Variants in ANKS1B observed in about 807,000 individuals in gnomAD.
ANKS1B encodes ankyrin repeat and sterile alpha motif domain-containing protein 1B.
ANKS1B carries 36 observed loss-of-function variants against 148.3 expected under a neutral mutation model. The observed-to-expected ratio is 0.24, with a 90% CI of 0.19 to 0.32. The LOEUF (loss-of-function observed/expected upper bound fraction) is 0.32, where lower values mean the gene tolerates loss of function less well. Among genes scored for constraint, ANKS1B ranks in the 10% least tolerant of loss-of-function variants. The pLI is 1.00. For missense variants in ANKS1B, 1,157 were observed against 1,542.6 expected (o/e 0.75, Z 4.19); for synonymous variants, 542 against 560.8 (o/e 0.97, Z 0.47).
At position 99,416,122 on chromosome 12, in the gene ANKS1B, A is replaced by T. The variant is rs114891731; in HGVS notation, c.1576-16311T>A. On this transcript the variant is annotated intron_variant, in intron 11 of 26. Transcript: ENST00000683438. ...TATTAATAGGATCACACAGTATGTA[A>T]CCTTTTAGGACTGGCTTTTCTCACT... Among the ~76,000 whole-genome samples the T allele has an allele frequency of 7.3e-3, 1,118 of 152,290 alleles. 13 individuals are homozygous for T. The highest frequency in any genetic ancestry group is 0.025 in the African/African-American group (1,044 of 41,560).
At position 99,649,318 on chromosome 12, in the gene ANKS1B, G is replaced by A. The variant is rs2098402768; in HGVS notation, c.1272+5749C>T. ...TGCCATGAAGTTTTGTGAAGAGAAGGAGCAATTCAGAATCAGTAGACTTCA... is the reference window on the plus strand; with the variant it reads ...TGCCATGAAGTTTTGTGAAGAGAAGAAGCAATTCAGAATCAGTAGACTTCA... On this transcript the variant is annotated intron_variant, in intron 9 of 26. Transcript: ENST00000683438. 6.2e-6 allele frequency: 10 copies of A among 1,613,998 alleles called. No individual in the cohort carries two copies. The highest frequency in any genetic ancestry group is 8.5e-6 in the Non-Finnish European group (10 of 1,179,998).
chr12:98,779,323 C>T (rs999372484), intron 24 of ANKS1B, among the ~76,000 whole-genome samples: 4 of 152,078 alleles, frequency 2.6e-5, no homozygotes, highest in African/African-American at 7.2e-5. Context: ...ACAATGGAAC[C>T]GGCAGAGCTC....
chr12:98,843,920 G>C (rs2099428427), intron 17 of ANKS1B, among the ~76,000 whole-genome samples: 1 of 152,164 alleles, frequency 6.6e-6, no homozygotes, highest in Non-Finnish European at 1.5e-5. Flanking sequence ...TGCTGAATCA[G>C]TTTTCTGAGT....
chr12:98,987,081 G>A (rs2099923907), intron 17 of ANKS1B, among the ~76,000 whole-genome samples: 1 of 151,400 alleles, frequency 6.6e-6, no homozygotes, highest in South Asian at 2.1e-4. Flanking sequence ...TTCCAGAATT[G>A]GTATAAAAGT....
At chr12:98,740,295 G>A (rs140791959), downstream of ANKS1B, among the ~76,000 whole-genome samples, 450 of 152,242 alleles carry the variant, frequency 3.0e-3, 3 homozygotes, top group African/African-American at 0.01. Context: ...TGGAGGTTGA[G>A]AGCCAGCGCC....
chr12:99,366,837 T>C (rs1312374128), intron 12 of ANKS1B, among the ~76,000 whole-genome samples: 2 of 151,812 alleles, frequency 1.3e-5, no homozygotes, highest in African/African-American at 4.8e-5. Context: ...ATTGAGAAAT[T>C]CAACTACTTA....
rs192465413 is a variant in ANKS1B, at chr12:99,588,800, C to T, written c.1272+66267G>A. On this transcript the variant is annotated intron_variant, in intron 9 of 26. Coordinates refer to ENST00000683438, the MANE Select transcript of ANKS1B (RefSeq NM_001352186.2). ...TGCTCCAGGCTTTCTCCACTTTCAT[C>T]TTATCTTAAGTTTAGTGCCATGATA... Among the ~76,000 whole-genome samples the T allele has an allele frequency of 1.0e-3, 159 of 152,262 alleles. 3 individuals carry two copies. Among genetic ancestry groups the T allele is most frequent in the African/African-American group, 3.7e-3 (152 of 41,552 alleles).
intron 16 of ANKS1B, among the ~76,000 whole-genome samples, chr12:99,079,547 T>G (rs1486854389): frequency 6.6e-6 from 1 of 152,154 alleles, no homozygotes; most frequent in African/African-American, 2.4e-5. Flanking sequence ...AAGAGTCCTG[T>G]GATAACAATA....
intron 9 of ANKS1B, among the ~76,000 whole-genome samples, chr12:99,598,062 T>G (rs1037275575): frequency 2.6e-5 from 4 of 151,992 alleles, no homozygotes; most frequent in Admixed American, 1.3e-4. Context: ...TACCAAGAAG[T>G]AGAGAATTAC....
At chr12:99,491,045 T>C (rs546523759) in intron 10 of ANKS1B, among the ~76,000 whole-genome samples, 15 of 152,108 alleles carry the variant, frequency 9.9e-5, no homozygotes, top group Non-Finnish European at 1.9e-4. Context: ...AGGCTGGGCG[T>C]AGTGGCTCAC....
chr12:99,385,209 C>G (rs1392058043), intron 12 of ANKS1B, among the ~76,000 whole-genome samples: 4 of 151,848 alleles, frequency 2.6e-5, no homozygotes, highest in Non-Finnish European at 4.4e-5. Context: ...TGGCTCACGC[C>G]TGTAATCGCA....
intron 8 of ANKS1B, among the ~76,000 whole-genome samples, chr12:99,748,802 G>C (rs961703218): frequency 2.6e-5 from 4 of 152,086 alleles, no homozygotes; most frequent in African/African-American, 7.2e-5. Flanking sequence ...ATATTTTAAG[G>C]ATTATAGCTA....
intron 10 of ANKS1B, among the ~76,000 whole-genome samples, chr12:99,445,458 A>C (rs552856972): frequency 3.3e-5 from 5 of 152,072 alleles, no homozygotes; most frequent in Admixed American, 6.6e-5. Flanking sequence ...TATTTGTCCA[A>C]CTCATGGAAT....
At chr12:99,325,030 A>T (rs1186179874) in intron 12 of ANKS1B, among the ~76,000 whole-genome samples, 1 of 152,160 alleles carries the variant, frequency 6.6e-6, no homozygotes, top group African/African-American at 2.4e-5. Flanking sequence ...CCGTATATGT[A>T]CAGTATGTAC....
intron 14 of ANKS1B, among the ~76,000 whole-genome samples, chr12:99,176,856 C>A (rs11109752): frequency 0.033 from 5,089 of 152,204 alleles, 123 homozygotes; most frequent in Non-Finnish European, 0.051. Context: ...CAAGCAGATG[C>A]CAGCACCCTG....
At chr12:99,029,699 A>T (rs2099950828) in intron 17 of ANKS1B, among the ~76,000 whole-genome samples, 1 of 152,246 alleles carries the variant, frequency 6.6e-6, no homozygotes, top group Non-Finnish European at 1.5e-5. Context: ...AATGTACTTA[A>T]TGTTTAACAG....
intron 16 of ANKS1B, among the ~76,000 whole-genome samples, chr12:99,074,494 C>A (rs2047219224): frequency 1.3e-5 from 2 of 152,140 alleles, no homozygotes; most frequent in Non-Finnish European, 2.9e-5. Context: ...CTATCCAGCC[C>A]ATACAGTTAT....
chr12:98,816,303 T>C (rs1311265857), intron 19 of ANKS1B, among the ~76,000 whole-genome samples: 1 of 152,166 alleles, frequency 6.6e-6, no homozygotes, highest in Non-Finnish European at 1.5e-5. Flanking sequence ...TATTTATTTA[T>C]TTGTTTGTTT....
At chr12:99,296,607 GTTGAC>G (rs1388698039) in intron 12 of ANKS1B, among the ~76,000 whole-genome samples, 1 of 151,926 alleles carries the variant, frequency 6.6e-6, no homozygotes, top group East Asian at 1.9e-4. Context: ...GCATTGTTTT[GTTGAC>G]TTAACAGCAT....
Sources: gnomAD v4.1 joint callset for allele counts (sites outside exome capture counted in the v4.1 genomes callset) on GRCh38, gnomAD v4.1.1 for gene constraint, MANE v1.5 for transcripts, NCBI Gene and HGNC (gene_info 2026-07-23, HGNC 2026-07-21) for gene names.